LRP1: variants seen among roughly 807,000 people sequenced by gnomAD.
The protein encoded by LRP1 is prolow-density lipoprotein receptor-related protein 1.
Under a neutral mutation model 541.5 loss-of-function variants are expected in LRP1, and 51 were observed. The ratio of observed to expected loss-of-function variants is 0.09; its 90% confidence interval spans 0.08 to 0.12. The LOEUF is 0.12. LRP1 is among the 10% of genes least tolerant of loss of function. The pLI is 1.00. For missense variants in LRP1, 3,878 were observed against 6,376.2 expected (o/e 0.61, Z 13.34); for synonymous variants, 2,219 against 2,470.8 (o/e 0.90, Z 3.02).
chr12:57,135,846 G>A (rs1024833053), intron 1 of LRP1, among the ~76,000 whole-genome samples: 11 of 152,138 alleles, frequency 7.2e-5, no homozygotes, highest in South Asian at 4.1e-4. Flanking sequence ...ACAGCGGGGG[G>A]GACTCAGTGA....
Position 57,177,608 on chromosome 12 carries a change from C to T in LRP1, c.4361+17C>T. ...TGACGCCAGGTCAGCACCCTCTGTGCCCTGAGAAGGCCCAAGTCTGTGGCA... is the reference window on the plus strand; with the variant it reads ...TGACGCCAGGTCAGCACCCTCTGTGTCCTGAGAAGGCCCAAGTCTGTGGCA... On this transcript the variant is annotated intron_variant, in intron 26 of 88. Transcript: ENST00000243077. This position sits in a 1 kb window ranked among gnomAD's most constrained non-coding sequence, Gnocchi z 6.8. The T allele has an allele frequency of 6.2e-7, 1 of 1,612,746 alleles. No individual in the cohort carries two copies. The highest frequency in any genetic ancestry group is 8.5e-7 in the Non-Finnish European group (1 of 1,179,532).
chr12:57,200,077 ATCC>A, intron 62 of LRP1, 52 bp downstream of exon 62: 1 of 1,469,084 alleles, frequency 6.8e-7, no homozygotes, highest in Non-Finnish European at 9.2e-7. Context: ...CAACCCCCAA[ATCC>A]TCCTTGGACC....
intron 19 of LRP1, 73 bp downstream of exon 19, chr12:57,167,597 C>G (rs191129308): frequency 1.6e-6 from 2 of 1,224,516 alleles, no homozygotes; most frequent in African/African-American, 3.0e-5. Context: ...CCAGGGAAGG[C>G]AAAGGGCTTC....
rs562058459 is a variant in LRP1, at chr12:57,200,412, C to G, written c.10015-30C>G. 6.9e-5 allele frequency: 87 copies of G among 1,260,812 alleles called. No homozygotes were observed. The South Asian group carries it at 9.8e-4, about 14-fold the overall frequency. The allele number at this position is 1,260,812 out of a possible 1,614,324, so 78.1% of individuals were successfully genotyped here. On this transcript the variant is annotated intron_variant, in intron 62 of 88. Transcript: ENST00000243077. Reference sequence around the variant, plus strand: ...ACTTCTGAGTCCCCCAGACCCCCACCAACCCCTCTTGCCCCCACCTGCCCT... The same window carrying G: ...ACTTCTGAGTCCCCCAGACCCCCACGAACCCCTCTTGCCCCCACCTGCCCT...
intron 20 of LRP1, among the ~76,000 whole-genome samples, chr12:57,171,333 G>T (rs1565731296): frequency 6.6e-6 from 1 of 152,196 alleles, no homozygotes; most frequent in Non-Finnish European, 1.5e-5. Flanking sequence ...TGTTTAGACT[G>T]CAGGTAAATG....
At chr12:57,133,120 C>A (rs111289118) in intron 1 of LRP1, among the ~76,000 whole-genome samples, 2 of 152,168 alleles carry the variant, frequency 1.3e-5, no homozygotes, top group African/African-American at 4.8e-5. Flanking sequence ...TCCTCCTGAC[C>A]AGGAGCCTAA....
At chr12:57,182,007 G>A (rs1256036243) in intron 34 of LRP1, among the ~76,000 whole-genome samples, 1 of 152,182 alleles carries the variant, frequency 6.6e-6, no homozygotes, top group Non-Finnish European at 1.5e-5. Context: ...GTTTTGTGCT[G>A]CAGAACTTCT....
In LRP1 at chr12:57,193,936, C is replaced by G. The variant is rs574972738; in HGVS notation, c.7842C>G (p.Asp2614Glu). Residue 2614 changes from aspartate to glutamate, a missense_variant, in exon 48 of 89, where the codon GAC (aspartate) becomes GAG (glutamate). By Grantham distance (45) the Asp-to-Glu change is conservative. This residue lies in a region of LRP1 where 1,100 missense variants were observed against 1,827.4 expected (regional missense o/e 0.60). Coordinates refer to ENST00000243077, the MANE Select transcript of LRP1 (RefSeq NM_002332.3). ...GTGTGGGCGAGTTCCGCTGCCGGGA[C>G]GGGACCTGCATCGGGAACTCCAGCC... The part of the protein sequence containing the change: ...ACGVGEFRCR[D>E]GTCIGNSSRC... 3 of 1,614,100 alleles carry G rather than the reference C, an allele frequency of 1.9e-6. No individual in the cohort carries two copies. The highest frequency in any genetic ancestry group is 1.7e-6 in the Non-Finnish European group (2 of 1,180,022).
Position 57,167,538 on chromosome 12 carries a change from C to T in LRP1, c.2995+14C>T. 1 of 1,608,064 alleles carries T rather than the reference C, an allele frequency of 6.2e-7. No homozygotes were observed. Among genetic ancestry groups the T allele is most frequent in the Non-Finnish European group, 8.5e-7 (1 of 1,174,490 alleles). On this transcript the variant is annotated intron_variant, in intron 19 of 88. Transcript: ENST00000243077. ...GATGCGACAATGGTAAGAGCTTGCTCTCCTCACCTGCTGATTCCTAAGACA... is the reference window on the plus strand; with the variant it reads ...GATGCGACAATGGTAAGAGCTTGCTTTCCTCACCTGCTGATTCCTAAGACA...
At chr12:57,137,811 A>G (rs1391628521) in intron 1 of LRP1, among the ~76,000 whole-genome samples, 3 of 149,136 alleles carry the variant, frequency 2.0e-5, no homozygotes, top group Non-Finnish European at 3.0e-5. Context: ...AAAAAAAAAT[A>G]GGGAATGGAA....
chr12:57,141,611 T>A, intron 3 of LRP1, 100 bp downstream of exon 3: 2 of 1,415,788 alleles, frequency 1.4e-6, no homozygotes, highest in Non-Finnish European at 2.0e-6. Context: ...GATGAGGCCT[T>A]GTCCTGGTCC....
chr12:57,210,159 C>G lies in LRP1; in HGVS notation c.12570C>G (p.Pro4190=). 6.2e-7 allele frequency: 1 copy of G among 1,600,082 alleles called. No homozygotes were observed. Among genetic ancestry groups the G allele is most frequent in the Non-Finnish European group, 8.5e-7 (1 of 1,172,894 alleles). ...GCGTGCCTGTGCCCTCTCCAACGCCCCCCCCAGATGGTATGCTTATGCCCT... is the reference window on the plus strand; with the variant it reads ...GCGTGCCTGTGCCCTCTCCAACGCCGCCCCCAGATGGTATGCTTATGCCCT... The part of the protein sequence containing the change: ...GTCVPVPSPT[P]PPDAPRPGTC... The change falls in exon 81 of 89, where the codon CCC becomes CCG. Residue 4190 remains proline (P), a synonymous_variant. Coordinates refer to ENST00000243077, the MANE Select transcript of LRP1 (RefSeq NM_002332.3).
rs1292396943 is a variant in LRP1, at chr12:57,205,499, G to A, written c.11470+14G>A. On this transcript the variant is annotated intron_variant, in intron 74 of 88. Transcript: ENST00000243077. This position sits in a 1 kb window ranked among gnomAD's most constrained non-coding sequence, Gnocchi z 4.6. ...CCGGATGCCAAGGTAGGAAAGCGGG[G>A]CAGAGCAGGGGTGGACACCCCAACT... is the stretch of plus-strand genomic sequence containing the variant. The A allele has an allele frequency of 2.5e-6, 4 of 1,611,124 alleles. No individual in the cohort carries two copies. Among genetic ancestry groups the A allele is most frequent in the African/African-American group, 1.3e-5 (1 of 74,856 alleles).
rs758573612 is a variant in LRP1, at chr12:57,195,242, T to A, written c.8309-29T>A. ...TAGACCTGATCTACCCGCTCCTAAG[T>A]CTCTCAGTGGCCCTCTCTCCCCCTA... On this transcript the variant is annotated intron_variant, in intron 51 of 88. Coordinates refer to ENST00000243077, the MANE Select transcript of LRP1 (RefSeq NM_002332.3). The A allele has an allele frequency of 1.9e-6, 3 of 1,609,754 alleles. No individual in the cohort carries two copies. The Admixed American group carries it at 5.0e-5, about 27-fold the overall frequency.
chr12:57,175,778 C>T, intron 23 of LRP1, 73 bp downstream of exon 23: 1 of 1,548,192 alleles, frequency 6.5e-7, no homozygotes, highest in Non-Finnish European at 8.7e-7. Flanking sequence ...GGCTTGGTGG[C>T]CAGGTGCCAA....
intron 6 of LRP1, among the ~76,000 whole-genome samples, chr12:57,151,947 G>T (rs113836958): frequency 6.6e-6 from 1 of 152,160 alleles, no homozygotes; most frequent in Non-Finnish European, 1.5e-5. Flanking sequence ...ATACCAAAGG[G>T]GAGGCCAGGC....
chr12:57,195,894 C>T lies in LRP1; in HGVS notation c.8592C>T (p.Arg2864=), dbSNP rs2036522055. ...CGACCTGCGGCCCCAGTGAGTTCCG[C>T]TGTGCCAATGGGCGCTGTCTGAGCT... ...EYPTCGPSEF[R]CANGRCLSSR... Residue 2864 remains arginine (R), a synonymous_variant, in exon 54 of 89, where the codon CGC becomes CGT. Transcript: ENST00000243077. The T allele has an allele frequency of 1.2e-6, 2 of 1,613,818 alleles. No individual in the cohort carries two copies. Among genetic ancestry groups the T allele is most frequent in the Non-Finnish European group, 1.7e-6 (2 of 1,180,028 alleles).
rs1180592211 is a variant in LRP1 at position 57,161,126 on chromosome 12, A to G, written c.2202+11A>G. 6.2e-7 allele frequency: 1 copy of G among 1,610,578 alleles called. No homozygotes were observed. Among genetic ancestry groups the G allele is most frequent in the Non-Finnish European group, 8.5e-7 (1 of 1,179,294 alleles). On this transcript the variant is annotated intron_variant, in intron 13 of 88. Coordinates refer to ENST00000243077, the MANE Select transcript of LRP1 (RefSeq NM_002332.3). ...GGCACAGACCGGAAGGTGGGCAGGC[A>G]TGTGCCTGTGTGGGGGAATCTGTGT...
intron 41 of LRP1, among the ~76,000 whole-genome samples, 170 bp from the exon 42 acceptor site, chr12:57,187,097 G>A (rs924944749): frequency 2.6e-5 from 4 of 152,170 alleles, no homozygotes; most frequent in Non-Finnish European, 5.9e-5. Context: ...TGGGGGCACT[G>A]AGTCAGACCC....
Sources: allele counts gnomAD v4.1 joint callset (sites outside exome capture counted in the v4.1 genomes callset), GRCh38; gene constraint gnomAD v4.1.1; regional missense constraint gnomAD v4.1.1; non-coding constraint Gnocchi (gnomAD v3.1); transcripts MANE v1.5; gene names NCBI Gene and HGNC (gene_info 2026-07-23, HGNC 2026-07-21).